NYAP2: variants seen among roughly 807,000 people sequenced by gnomAD.
The protein encoded by NYAP2 is neuronal tyrosine-phosphorylated phosphoinositide-3-kinase adapter 2.
Under a neutral mutation model 50.4 loss-of-function variants are expected in NYAP2, and 23 were observed. The ratio of observed to expected loss-of-function variants is 0.46; its 90% CI spans 0.33 to 0.65. The LOEUF (loss-of-function observed/expected upper bound fraction) is 0.65, where lower values mean the gene tolerates loss of function less well. Among genes scored for constraint, NYAP2 ranks in the 30% least tolerant of loss-of-function variants. The pLI is 0.02. For missense variants in NYAP2, 885 were observed against 861.0 expected (o/e 1.03, Z -0.35); for synonymous variants, 394 against 365.2 (o/e 1.08, Z -0.90).
intron 5 of NYAP2, among the ~76,000 whole-genome samples, chr2:225,604,545 G>A (rs1190876204): frequency 5.3e-5 from 8 of 152,052 alleles, no homozygotes; most frequent in Non-Finnish European, 1.2e-4. Context: ...TATGTGCCCT[G>A]TAAATATTGC....
intron 6 of NYAP2, among the ~76,000 whole-genome samples, chr2:225,628,879 C>CA (rs1225832752): frequency 6.6e-6 from 1 of 151,894 alleles, no homozygotes; most frequent in Non-Finnish European, 1.5e-5. Context: ...AATACAATGA[C>CA]AAAAAAGATA....
intron 6 of NYAP2, among the ~76,000 whole-genome samples, chr2:225,639,206 G>A (rs1467489861): frequency 6.6e-6 from 1 of 152,120 alleles, no homozygotes; most frequent in Non-Finnish European, 1.5e-5. Context: ...GATCCTGTAT[G>A]TTCAAACAAA....
intron 4 of NYAP2, among the ~76,000 whole-genome samples, chr2:225,547,855 G>A (rs554411939): frequency 6.6e-6 from 1 of 152,142 alleles, no homozygotes; most frequent in African/African-American, 2.4e-5. Context: ...GTTCCCGTGG[G>A]GTTGGGGTGG....
At chr2:225,554,053 T>G (rs908212112) in intron 4 of NYAP2, among the ~76,000 whole-genome samples, 10 of 152,108 alleles carry the variant, frequency 6.6e-5, no homozygotes, top group African/African-American at 2.4e-4. Flanking sequence ...TCAAAACAAT[T>G]AAAAAGGTTA....
Position 225,415,175 on chromosome 2 carries a change from A to T in NYAP2, c.221+6074A>T, listed in dbSNP as rs1402158688. Among the ~76,000 whole-genome samples the T allele has an allele frequency of 2.0e-5, 3 of 152,292 alleles. No homozygotes were observed. In the East Asian group the frequency reaches 5.8e-4, roughly 29 times the overall value. On this transcript the variant is annotated intron_variant, in intron 3 of 6. Coordinates refer to ENST00000636099, the Ensembl canonical transcript of NYAP2. The stretch of plus-strand genomic sequence containing the variant: ...CCTCTTTAAAAGTGACAGAAATGGA[A>T]TTACATTACTTACAGCTCCTTTAAA...
At chr2:225,683,061 T>C in the NYAP2 span, among the ~76,000 whole-genome samples, 11 of 152,212 alleles carry the variant, frequency 7.2e-5, no homozygotes, top group African/African-American at 2.6e-4. Context: ...TATTCCTCTG[T>C]TGACTCTTTG....
intron 5 of NYAP2, among the ~76,000 whole-genome samples, chr2:225,595,711 G>T (rs1437405061): frequency 6.6e-6 from 1 of 152,128 alleles, no homozygotes; most frequent in Non-Finnish European, 1.5e-5. Flanking sequence ...TGTGTGTATG[G>T]CTCTTTAATA....
intron 3 of NYAP2, among the ~76,000 whole-genome samples, chr2:225,461,378 T>C (rs1435795208): frequency 6.6e-6 from 1 of 152,238 alleles, no homozygotes; most frequent in Non-Finnish European, 1.5e-5. Context: ...TCTGTCCTTG[T>C]AAAGTGGCAG....
chr2:225,472,207 A>G (rs1690023078), intron 3 of NYAP2, among the ~76,000 whole-genome samples: 1 of 152,240 alleles, frequency 6.6e-6, no homozygotes, highest in Non-Finnish European at 1.5e-5. Context: ...GAAGAAAAAA[A>G]CTAAAATACA....
At chr2:225,612,746 C>A (rs116710283) in intron 5 of NYAP2, among the ~76,000 whole-genome samples, 839 of 55,398 alleles carry the variant, frequency 0.015, 9 homozygotes, top group Middle Eastern at 0.043. Flanking sequence ...TGGAGGCCCC[C>A]CCCTTACAAT....
At chr2:225,417,012 G>T (rs1258152395) in intron 3 of NYAP2, among the ~76,000 whole-genome samples, 4 of 152,118 alleles carry the variant, frequency 2.6e-5, no homozygotes, top group Non-Finnish European at 5.9e-5. Flanking sequence ...ATGGAGAGAT[G>T]GTTATAGACT....
downstream of NYAP2, among the ~76,000 whole-genome samples, chr2:225,658,621 T>G (rs554316840): frequency 4.4e-4 from 67 of 152,178 alleles, no homozygotes; most frequent in Non-Finnish European, 7.2e-4. Context: ...ATAAAAAGCA[T>G]TATCTTATGT....
At chr2:225,690,341 C>G in the NYAP2 span, among the ~76,000 whole-genome samples, 3 of 151,862 alleles carry the variant, frequency 2.0e-5, no homozygotes, top group African/African-American at 7.3e-5. Flanking sequence ...AATTTTATTA[C>G]TGAATATGCT....
At chr2:225,560,903 G>GAT (rs1691858738) in intron 4 of NYAP2, among the ~76,000 whole-genome samples, 1 of 148,638 alleles carries the variant, frequency 6.7e-6, no homozygotes, top group Non-Finnish European at 1.5e-5. Context: ...AGATGGAAGA[G>GAT]ATGCAGGCAA....
chr2:225,485,738 T>C (rs1318090507), intron 3 of NYAP2, among the ~76,000 whole-genome samples: 2 of 152,240 alleles, frequency 1.3e-5, no homozygotes, highest in South Asian at 2.1e-4. Flanking sequence ...GAGATGGATA[T>C]TTTCCAAATT....
chr2:225,623,020 C>T (rs532888307), intron 5 of NYAP2, among the ~76,000 whole-genome samples: 7 of 152,186 alleles, frequency 4.6e-5, no homozygotes, highest in East Asian at 1.9e-4. Flanking sequence ...AATAAATTTC[C>T]GAAACATGTT....
At chr2:225,625,481 C>T (rs1288449053) in intron 5 of NYAP2, among the ~76,000 whole-genome samples, 1 of 152,000 alleles carries the variant, frequency 6.6e-6, no homozygotes, top group Non-Finnish European at 1.5e-5. Context: ...TGACCATGAC[C>T]CTGCAAGAGT....
At chr2:225,524,718 A>G (rs1691122870) in intron 4 of NYAP2, among the ~76,000 whole-genome samples, 1 of 152,210 alleles carries the variant, frequency 6.6e-6, no homozygotes, top group Admixed American at 6.5e-5. Flanking sequence ...CCTCAAAAGC[A>G]AACACAACAA....
Position 225,573,150 on chromosome 2 carries a change from C to T in NYAP2, c.524-8791C>T, listed in dbSNP as rs557647762. ...ATTTTTTCAATGAGATACCCACATG[C>T]ACAGGAAATTAATTTTGGATTTTTT... On this transcript the variant is annotated intron_variant, in intron 4 of 6. Transcript: ENST00000636099. Among the ~76,000 whole-genome samples the T allele has an allele frequency of 2.0e-5, 3 of 150,292 alleles. No homozygotes were observed. In the South Asian group the frequency reaches 6.4e-4, roughly 32 times the overall value.
Sources: gnomAD v4.1 joint callset for allele counts (sites outside exome capture counted in the v4.1 genomes callset) on GRCh38, gnomAD v4.1.1 for gene constraint, MANE v1.5 for transcripts, NCBI Gene and HGNC (gene_info 2026-07-23, HGNC 2026-07-21) for gene names.